Variants in TFG observed in about 807,000 individuals in gnomAD.
TFG encodes the protein protein TFG.
TFG carries 22 observed loss-of-function variants against 51.4 expected under a neutral mutation model. The ratio of observed to expected loss-of-function variants is 0.43; its 90% CI spans 0.31 to 0.61. The LOEUF (loss-of-function observed/expected upper bound fraction) is 0.61, where lower values mean the gene tolerates loss of function less well. Ranked by LOEUF, TFG falls within the 20% of genes least tolerant of loss-of-function variation. The probability of loss-of-function intolerance (pLI) is 0.12; values close to 1 mark genes in which losing one functional copy is unlikely to be tolerated. For synonymous variants in TFG, 187 were observed against 165.6 expected (o/e 1.13, Z -0.99); for missense variants, 419 against 487.7 (o/e 0.86, Z 1.33).
intron 6 of TFG, chr3:100,742,722 A>G (rs892488419): frequency 6.6e-6 from 1 of 152,196 alleles, no homozygotes; most frequent in East Asian, 1.9e-4. Flanking sequence ...AACTGGGAAT[A>G]ATTTTTTTTT....
chr3:100,720,299 T>G (rs1257009222), intron 3 of TFG, among the ~76,000 whole-genome samples: 1 of 152,186 alleles, frequency 6.6e-6, no homozygotes, highest in Non-Finnish European at 1.5e-5. Flanking sequence ...TGAAATCAGG[T>G]ATAACTTAGG....
intron 3 of TFG, among the ~76,000 whole-genome samples, chr3:100,721,595 T>G (rs1273013900): frequency 6.6e-6 from 1 of 152,150 alleles, no homozygotes; most frequent in African/African-American, 2.4e-5. Flanking sequence ...AAACTATCCA[T>G]GTAGTTTGGT....
chr3:100,720,031 A>G lies in TFG; in HGVS notation c.241A>G (p.Ser81Gly), dbSNP rs1471042389. 1.9e-6 allele frequency: 3 copies of G among 1,574,114 alleles called. No individual in the cohort carries two copies. The highest frequency in any genetic ancestry group is 3.7e-5 in the Admixed American group (2 of 53,550). The change falls in exon 3 of 8, where the codon AGT (serine) becomes GGT (glycine). Residue 81 changes from serine (S) to glycine (G), a missense_variant. This residue lies in a region of TFG where 391 missense variants were observed against 434.4 expected (regional missense o/e 0.90). Transcript: ENST00000240851. ...TGACCTTTCCTTTGCAATTCAGTGCAGTAGGATACTGAAACTGACATTATT... is the reference window on the plus strand; with the variant it reads ...TGACCTTTCCTTTGCAATTCAGTGCGGTAGGATACTGAAACTGACATTATT... ...SSDLSFAIQC[S>G]RILKLTLFVN...
At chr3:100,735,856 A>G (rs142537338) in intron 5 of TFG, among the ~76,000 whole-genome samples, 1 of 152,254 alleles carries the variant, frequency 6.6e-6, no homozygotes, top group East Asian at 1.9e-4. Flanking sequence ...AAAAGAGTGC[A>G]GAGTCTTTAA....
In TFG at chr3:100,748,775, T is replaced by A; in HGVS notation, c.*244T>A. On this transcript the variant is annotated 3_prime_UTR_variant, in exon 8 of 8. Transcript: ENST00000240851. The stretch of plus-strand genomic sequence containing the variant: ...TACTTTGGAACACTACTCTTACATG[T>A]ATAAAGTGATTGACTTGACTTTCTA... The A allele has an allele frequency of 4.8e-6, 2 of 419,828 alleles. No individual in the cohort carries two copies. The highest frequency in any genetic ancestry group is 8.4e-6 in the Non-Finnish European group (2 of 236,994). The allele number at this position is 419,828 out of a possible 1,614,324, so 26.0% of individuals were successfully genotyped here. A position where few individuals can be genotyped will look rare whatever the true frequency, so the allele number is the denominator to read the frequency against.
At chr3:100,727,646 A>G (rs187769812) in intron 3 of TFG, among the ~76,000 whole-genome samples, 18 of 152,242 alleles carry the variant, frequency 1.2e-4, no homozygotes, top group Middle Eastern at 3.4e-3. Flanking sequence ...CATTTTTTTC[A>G]GTCAACTGAA....
chr3:100,733,601 G>C (rs2149083967), intron 5 of TFG, among the ~76,000 whole-genome samples: 1 of 152,084 alleles, frequency 6.6e-6, no homozygotes, highest in Non-Finnish European at 1.5e-5. Flanking sequence ...TATTGACTGG[G>C]TTCCTCTCCC....
At chr3:100,730,231 A>G (rs2095087774) in intron 4 of TFG, among the ~76,000 whole-genome samples, 2 of 152,222 alleles carry the variant, frequency 1.3e-5, no homozygotes, top group African/African-American at 4.8e-5. Flanking sequence ...AATTAGCTAC[A>G]GTGGCCCACA....
chr3:100,748,507 C>T lies in TFG; in HGVS notation c.1179C>T (p.Thr393=), dbSNP rs764626833. The T allele has an allele frequency of 3.1e-6, 5 of 1,612,228 alleles. No individual in the cohort carries two copies. In the Admixed American group the frequency reaches 5.0e-5, roughly 16 times the overall value. ...RNRPPFGQGY[T]QPGPGYR ...GTCCTCCCTTTGGTCAGGGCTATACCCAACCTGGACCTGGTTATCGATAAG... is the reference window on the plus strand; with the variant it reads ...GTCCTCCCTTTGGTCAGGGCTATACTCAACCTGGACCTGGTTATCGATAAG... Residue 393 remains threonine (T), a synonymous_variant, in exon 8 of 8, where the codon ACC becomes ACT. Transcript: ENST00000240851.
At chr3:100,717,526 T>C (rs1469221739) in intron 2 of TFG, among the ~76,000 whole-genome samples, 1 of 152,000 alleles carries the variant, frequency 6.6e-6, no homozygotes, top group Non-Finnish European at 1.5e-5. Flanking sequence ...TTTGTTCTTA[T>C]ATAAGCATGG....
At chr3:100,717,231 C>T (rs189771059) in intron 2 of TFG, among the ~76,000 whole-genome samples, 1 of 152,076 alleles carries the variant, frequency 6.6e-6, no homozygotes, top group Admixed American at 6.5e-5. Flanking sequence ...TGTTTGTTCT[C>T]TTGGTCAATG....
intron 6 of TFG, among the ~76,000 whole-genome samples, chr3:100,741,482 C>G (rs1343793874): frequency 6.6e-6 from 1 of 151,914 alleles, no homozygotes; most frequent in Non-Finnish European, 1.5e-5. Flanking sequence ...TATAGTAGCA[C>G]AATGTACTTT....
chr3:100,742,455 A>G (rs1022364713), intron 6 of TFG: 82 of 152,214 alleles, frequency 5.4e-4, no homozygotes, highest in African/African-American at 1.9e-3. Flanking sequence ...AGTTATTCCA[A>G]TTCAGGGTTG....
intron 2 of TFG, among the ~76,000 whole-genome samples, chr3:100,715,943 T>C (rs941808366): frequency 1.3e-5 from 2 of 152,122 alleles, no homozygotes; most frequent in African/African-American, 4.8e-5. Context: ...TAAATTTTGT[T>C]TTAATTGACA....
intron 3 of TFG, among the ~76,000 whole-genome samples, chr3:100,722,614 A>C (rs1289189667): frequency 1.3e-5 from 2 of 152,218 alleles, no homozygotes; most frequent in Non-Finnish European, 2.9e-5. Context: ...AGACAGAGAG[A>C]TTACCTTAAA....
In TFG at chr3:100,748,409, C is replaced by A. The variant is rs2095155739; in HGVS notation, c.1081C>A (p.Pro361Thr). Residue 361 changes from proline to threonine, a missense_variant, in exon 8 of 8, where the codon CCA becomes ACA. Pro to Thr is a conservative substitution (Grantham distance 38). Transcript: ENST00000240851. ...CCAACCTGGGGCCTATCAACCAAGA[C>A]CAGGTTTTACTTCACTTCCTGGAAG... ...PSQPGAYQPR[P>T]GFTSLPGSTM... is the part of the protein sequence containing the mutation. 1.9e-6 allele frequency: 3 copies of A among 1,614,114 alleles called. No individual in the cohort carries two copies. The highest frequency in any genetic ancestry group is 2.5e-6 in the Non-Finnish European group (3 of 1,179,992).
At chr3:100,746,984 C>T (rs9868472) in intron 7 of TFG, among the ~76,000 whole-genome samples, 4,009 of 152,192 alleles carry the variant, frequency 0.026, 175 homozygotes, top group African/African-American at 0.091. Context: ...TGAGTTAATG[C>T]GTTAAAGATA....
At chr3:100,742,619 C>T (rs1039354401) in intron 6 of TFG, 3 of 152,166 alleles carry the variant, frequency 2.0e-5, no homozygotes, top group Non-Finnish European at 4.4e-5. Flanking sequence ...CTAACATACA[C>T]ATCTTTGGGA....
At chr3:100,720,698 T>C (rs1243703653) in intron 3 of TFG, among the ~76,000 whole-genome samples, 1 of 152,234 alleles carries the variant, frequency 6.6e-6, no homozygotes, top group Non-Finnish European at 1.5e-5. Context: ...TGGGGACCCT[T>C]GCTTTAGACA....
Sources: gnomAD v4.1 joint callset for allele counts (sites outside exome capture counted in the v4.1 genomes callset) on GRCh38, gnomAD v4.1.1 for gene constraint, gnomAD v4.1.1 regional missense constraint, MANE v1.5 for transcripts, NCBI Gene and HGNC (gene_info 2026-07-23, HGNC 2026-07-21) for gene names.